Variants in UNC13B observed in about 807,000 individuals in gnomAD.
The protein encoded by UNC13B is protein unc-13 homolog B.
Under a neutral mutation model 211.0 loss-of-function variants are expected in UNC13B, and 144 were observed. That is an observed-to-expected ratio of 0.68 (90% CI 0.60 to 0.78). The LOEUF (loss-of-function observed/expected upper bound fraction) is 0.78, where lower values mean the gene tolerates loss of function less well. Among genes scored for constraint, UNC13B ranks in the 30% least tolerant of loss-of-function variants. The pLI is 0.00. For missense variants in UNC13B, 1,777 were observed against 2,002.0 expected, an observed-to-expected ratio of 0.89 and a Z score of 2.14; for synonymous variants, 709 against 725.8, an observed-to-expected ratio of 0.98 and a Z score of 0.37.
At chr9:35,194,062 T>G (rs1042115303) in intron 1 of UNC13B, among the ~76,000 whole-genome samples, 2 of 151,796 alleles carry the variant, frequency 1.3e-5, no homozygotes, top group Non-Finnish European at 2.9e-5. Context: ...GACCTGGAAG[T>G]TCCGTTTGCT....
intron 6 of UNC13B, among the ~76,000 whole-genome samples, chr9:35,253,465 T>A (rs1312041150): frequency 6.6e-6 from 1 of 152,146 alleles, no homozygotes; most frequent in Non-Finnish European, 1.5e-5. Flanking sequence ...AAAATTTAAG[T>A]ATACATACAA....
rs538987598 is a variant in UNC13B at position 35,251,708 on chromosome 9, A to G, written c.469-7285A>G. Among the ~76,000 whole-genome samples, 9 of 152,246 alleles carry G rather than the reference A, an allele frequency of 5.9e-5. No individual in the cohort carries two copies. In the South Asian group the frequency reaches 1.5e-3, roughly 25 times the overall value. ...CAATGCCATTATCACACTGAACTTA[A>G]TAATTTCTTAGTGTCATCCAATACC... is the stretch of plus-strand genomic sequence containing the variant. On this transcript the variant is annotated intron_variant, in intron 6 of 39. Coordinates refer to ENST00000635942, the MANE Select transcript of UNC13B (RefSeq NM_001371189.2).
At chr9:35,219,153 A>T (rs935609003) in intron 1 of UNC13B, among the ~76,000 whole-genome samples, 1 of 152,204 alleles carries the variant, frequency 6.6e-6, no homozygotes, top group African/African-American at 2.4e-5. Context: ...AATTCTATAG[A>T]ACAAATATAT....
chr9:35,176,502 C>T lies in UNC13B; in HGVS notation c.22+14197C>T, dbSNP rs544174786. 5.9e-5 allele frequency among the ~76,000 whole-genome samples: 9 copies of T among 152,188 alleles called. No individual in the cohort carries two copies. In the South Asian group the frequency reaches 1.7e-3, roughly 28 times the overall value. ...GGCAGAGATTGCAGTGAGCTGAAAT[C>T]GCACCACTGCACTCCAGCCTGGGAG... On this transcript the variant is annotated intron_variant, in intron 1 of 39. Coordinates refer to ENST00000635942, the MANE Select transcript of UNC13B (RefSeq NM_001371189.2).
At chr9:35,334,807 C>T (rs1392358271) in intron 11 of UNC13B, among the ~76,000 whole-genome samples, 2 of 152,120 alleles carry the variant, frequency 1.3e-5, no homozygotes, top group Non-Finnish European at 2.9e-5. Context: ...GAGGCTGAGG[C>T]GAGTGGATCA....
intron 6 of UNC13B, among the ~76,000 whole-genome samples, chr9:35,248,290 T>C (rs1404489372): frequency 1.3e-5 from 2 of 152,010 alleles, no homozygotes; most frequent in Non-Finnish European, 2.9e-5. Flanking sequence ...TTTTGTTGAT[T>C]TTTTCAAAAA....
rs552105289 is a variant in UNC13B at position 35,301,664 on chromosome 9, G to A, written c.2260G>A (p.Glu754Lys). 2.5e-6 allele frequency: 1 copy of A among 398,828 alleles called. No individual in the cohort carries two copies. The highest frequency in any genetic ancestry group is 1.3e-4 in the South Asian group (1 of 7,854). The allele number at this position is 398,828 out of a possible 1,614,324, so 24.7% of individuals were successfully genotyped here. A position where few individuals can be genotyped will look rare whatever the true frequency, so the allele number is the denominator to read the frequency against. ...TAAAAATGATGAGAGTCTATTGGAA[G>A]AAAAACTCTGTATAGATCTGTCTCT... The part of the protein sequence containing the change: ...ASKNDESLLE[E>K]KLCIDLSLLP... The change falls in exon 9 of 40, where the codon GAA becomes AAA. Residue 754 changes from glutamate to lysine, a missense_variant. By Grantham distance (56) the Glu-to-Lys change is moderately conservative. Transcript: ENST00000635942.
intron 11 of UNC13B, among the ~76,000 whole-genome samples, chr9:35,340,677 G>A (rs1452714737): frequency 6.6e-6 from 1 of 152,200 alleles, no homozygotes; most frequent in Non-Finnish European, 1.5e-5. Flanking sequence ...GGCCTAAGGA[G>A]GAAGAGGGCC....
At chr9:35,215,679 A>T (rs1824211912) in intron 1 of UNC13B, among the ~76,000 whole-genome samples, 1 of 152,196 alleles carries the variant, frequency 6.6e-6, no homozygotes, top group Non-Finnish European at 1.5e-5. Flanking sequence ...TGAGGAAACT[A>T]TTCTCATTCT....
At chr9:35,271,586 T>G (rs926334437) in intron 7 of UNC13B, among the ~76,000 whole-genome samples, 1 of 152,208 alleles carries the variant, frequency 6.6e-6, no homozygotes, top group African/African-American at 2.4e-5. Flanking sequence ...CAAACATACC[T>G]AAAGTTTCTA....
intron 12 of UNC13B, 79 bp from the exon 13 acceptor site, chr9:35,370,239 C>T: frequency 8.2e-7 from 1 of 1,224,472 alleles, no homozygotes; most frequent in Non-Finnish European, 1.2e-6. Flanking sequence ...AGAGGGAGAG[C>T]AAGGTGAATG....
intron 1 of UNC13B, among the ~76,000 whole-genome samples, chr9:35,226,353 GGTGT>G (rs142509730): frequency 4.0e-5 from 6 of 150,442 alleles, no homozygotes; most frequent in East Asian, 1.9e-4. Context: ...GAACTGATAG[GGTGT>G]GTGTGTGTGT....
At chr9:35,378,812 A>C (rs763177736) in intron 17 of UNC13B, among the ~76,000 whole-genome samples, 19 of 152,262 alleles carry the variant, frequency 1.2e-4, no homozygotes, top group Admixed American at 4.6e-4. Flanking sequence ...CTCATAAGGA[A>C]GGCTCTTATA....
intron 7 of UNC13B, among the ~76,000 whole-genome samples, chr9:35,282,686 C>T (rs1828570742): frequency 1.3e-5 from 2 of 152,150 alleles, no homozygotes; most frequent in African/African-American, 4.8e-5. Flanking sequence ...CTGCCTGCCT[C>T]AGTCTCCCAA....
At chr9:35,328,047 G>A (rs1016737133) in intron 11 of UNC13B, among the ~76,000 whole-genome samples, 16 of 152,056 alleles carry the variant, frequency 1.1e-4, no homozygotes, top group Non-Finnish European at 1.9e-4. Context: ...TCGAGACTGA[G>A]TCTCACTCTG....
intron 6 of UNC13B, among the ~76,000 whole-genome samples, chr9:35,257,389 T>TA (rs1445061380): frequency 7.1e-6 from 1 of 141,318 alleles, no homozygotes; most frequent in African/African-American, 2.6e-5. Context: ...TATATAAATA[T>TA]TTATAAAAAT....
At chr9:35,402,122 T>G in intron 37 of UNC13B, 2 of 953,840 alleles carry the variant, frequency 2.1e-6, no homozygotes, top group South Asian at 1.5e-5. Context: ...GTTTAGGAGC[T>G]CTATCTCAAG....
intron 1 of UNC13B, among the ~76,000 whole-genome samples, chr9:35,219,407 G>A (rs1191385790): frequency 6.6e-6 from 1 of 152,120 alleles, no homozygotes; most frequent in Non-Finnish European, 1.5e-5. Context: ...GTATTAAACA[G>A]CGAGGTATAG....
At chr9:35,211,512 A>G (rs1397548809) in intron 1 of UNC13B, among the ~76,000 whole-genome samples, 1 of 152,352 alleles carries the variant, frequency 6.6e-6, no homozygotes, top group East Asian at 1.9e-4. Flanking sequence ...TCTATTGAAC[A>G]TTTAGGCTGA....
Sources: gnomAD v4.1 joint callset for allele counts (sites outside exome capture counted in the v4.1 genomes callset) on GRCh38, gnomAD v4.1.1 for gene constraint, MANE v1.5 for transcripts, NCBI Gene and HGNC (gene_info 2026-07-23, HGNC 2026-07-21) for gene names.